The following SEL1L2 variants were observed in gnomAD, a reference collection of about 807,000 sequenced individuals.
SEL1L2 encodes the protein SEL1L2 adaptor subunit of SYVN1 ubiquitin ligase.
In SEL1L2, 89 loss-of-function variants were observed where a neutral mutation model predicts 98.8. The ratio of observed to expected loss-of-function variants is 0.90; its 90% CI spans 0.76 to 1.07. The LOEUF (loss-of-function observed/expected upper bound fraction) is 1.07, where lower values mean the gene tolerates loss of function less well. Ranked by LOEUF, SEL1L2 falls within the 50% of genes least tolerant of loss-of-function variation. SEL1L2 has a pLI of 0.00. For missense variants in SEL1L2, 788 were observed against 812.0 expected, an observed-to-expected ratio of 0.97 and a Z score of 0.36; for synonymous variants, 262 against 278.5, an observed-to-expected ratio of 0.94 and a Z score of 0.59.
At chr20:13,877,709 T>TA (rs1201170647) in intron 10 of SEL1L2, 121 bp from the exon 11 acceptor site, 22 of 736,480 alleles carry the variant, frequency 3.0e-5, no homozygotes, top group East Asian at 5.4e-5. Context: ...CCACTGAGCT[T>TA]AAAAAAAATC....
chr20:13,853,382 A>AT lies in SEL1L2; in HGVS notation c.1819-3064dup, dbSNP rs34049013. ...GCCACCATGCCAGGCTGATTTTTGT[A>AT]TTTTTTTTTTTTGTAGAGACGGGGT... On this transcript the variant is annotated intron_variant, in intron 18 of 19. Transcript: ENST00000284951. 7.9e-3 allele frequency among the ~76,000 whole-genome samples: 1,122 copies of AT among 142,810 alleles called. 8 individuals carry two copies. The highest frequency in any genetic ancestry group is 0.011 in the Middle Eastern group (3 of 278). The allele number at this position is 142,810 out of a possible 152,430, so 93.7% of individuals were successfully genotyped here.
chr20:13,949,360 G>A (rs368448443), intron 2 of SEL1L2, among the ~76,000 whole-genome samples: 3 of 152,230 alleles, frequency 2.0e-5, no homozygotes, highest in African/African-American at 7.2e-5. Context: ...TATTCAAATG[G>A]CTACTATAAA....
At chr20:13,855,863 A>T (rs780727082) in intron 18 of SEL1L2, among the ~76,000 whole-genome samples, 2 of 152,246 alleles carry the variant, frequency 1.3e-5, no homozygotes, top group African/African-American at 2.4e-5. Flanking sequence ...ATAGTCTTTG[A>T]CTAGGCAGGT....
At chr20:13,943,583 C>T (rs959163995) in intron 2 of SEL1L2, among the ~76,000 whole-genome samples, 1 of 151,190 alleles carries the variant, frequency 6.6e-6, no homozygotes, top group Non-Finnish European at 1.5e-5. Context: ...TGCTAAATGA[C>T]ATTCATTCAT....
chr20:13,889,613 A>C (rs1048343543), intron 5 of SEL1L2, among the ~76,000 whole-genome samples: 1 of 152,066 alleles, frequency 6.6e-6, no homozygotes, highest in African/African-American at 2.4e-5. Flanking sequence ...AACACAGTGA[A>C]ACCCTGTCTC....
chr20:13,921,608 G>A (rs1430174759), intron 3 of SEL1L2, among the ~76,000 whole-genome samples: 1 of 152,020 alleles, frequency 6.6e-6, no homozygotes, highest in Non-Finnish European at 1.5e-5. Context: ...ATGATTTACA[G>A]GAAACACTTT....
chr20:13,907,730 C>CTTTCTTTCT (rs2048010542), intron 5 of SEL1L2, among the ~76,000 whole-genome samples: 1 of 123,256 alleles, frequency 8.1e-6, no homozygotes, highest in Non-Finnish European at 1.7e-5. Context: ...TTCTTTCTTT[C>CTTTCTTTCT]TTTCTTTCTT....
intron 2 of SEL1L2, among the ~76,000 whole-genome samples, chr20:13,932,135 C>T (rs963637016): frequency 6.6e-6 from 1 of 152,020 alleles, no homozygotes; most frequent in South Asian, 2.1e-4. Flanking sequence ...TATTGCCTTA[C>T]ACATTACAAC....
chr20:13,894,296 A>G (rs1486006381), intron 5 of SEL1L2, among the ~76,000 whole-genome samples: 1 of 152,236 alleles, frequency 6.6e-6, no homozygotes, highest in Non-Finnish European at 1.5e-5. Flanking sequence ...GCAGTGGCTC[A>G]TGCCTGTAAT....
chr20:13,859,667 G>C (rs1007364455), intron 17 of SEL1L2, among the ~76,000 whole-genome samples: 5 of 152,126 alleles, frequency 3.3e-5, no homozygotes, highest in Non-Finnish European at 7.3e-5. Context: ...AACATCCATG[G>C]TATAGTATGC....
intron 1 of SEL1L2, among the ~76,000 whole-genome samples, chr20:13,956,881 C>A (rs2050566094): frequency 6.6e-6 from 1 of 151,908 alleles, no homozygotes; most frequent in African/African-American, 2.4e-5. Context: ...TTGCTGTAAA[C>A]AAACAAATCT....
intron 5 of SEL1L2, among the ~76,000 whole-genome samples, chr20:13,890,824 T>G (rs2047174907): frequency 6.6e-6 from 1 of 152,038 alleles, no homozygotes; most frequent in Non-Finnish European, 1.5e-5. Flanking sequence ...GAGAAACTAT[T>G]AAAAAAACAG....
At chr20:13,986,895 C>T (rs987003412) in intron 1 of SEL1L2, among the ~76,000 whole-genome samples, 2 of 152,168 alleles carry the variant, frequency 1.3e-5, no homozygotes, top group Non-Finnish European at 2.9e-5. Flanking sequence ...CGCAGTGGCG[C>T]GATCTCGACT....
chr20:13,872,080 A>G (rs2046231658), intron 12 of SEL1L2, among the ~76,000 whole-genome samples: 1 of 152,190 alleles, frequency 6.6e-6, no homozygotes, highest in Non-Finnish European at 1.5e-5. Context: ...AGGACAGTCC[A>G]TCTGTATTTA....
chr20:13,904,247 G>T (rs1289989745), intron 5 of SEL1L2, among the ~76,000 whole-genome samples: 1 of 152,038 alleles, frequency 6.6e-6, no homozygotes, highest in East Asian at 1.9e-4. Context: ...ATATGTATTT[G>T]GCCGGGCACA....
intron 3 of SEL1L2, among the ~76,000 whole-genome samples, chr20:13,929,347 C>T: frequency 6.6e-6 from 1 of 152,146 alleles, no homozygotes; most frequent in African/African-American, 2.4e-5. Context: ...CCTTTTTACT[C>T]TTAAGATTCT....
intron 2 of SEL1L2, among the ~76,000 whole-genome samples, chr20:13,949,961 T>TAATG (rs772102363): frequency 1.3e-5 from 2 of 152,186 alleles, no homozygotes; most frequent in African/African-American, 2.4e-5. Flanking sequence ...CAGCATTCAT[T>TAATG]AATGAATGAA....
intron 1 of SEL1L2, among the ~76,000 whole-genome samples, chr20:13,972,185 T>G (rs1167753438): frequency 6.6e-6 from 1 of 152,220 alleles, no homozygotes; most frequent in African/African-American, 2.4e-5. Flanking sequence ...ATATTTTGAC[T>G]GGAATTGTTA....
At chr20:13,992,675 A>G (rs2052567639), upstream of SEL1L2, among the ~76,000 whole-genome samples, 1 of 152,188 alleles carries the variant, frequency 6.6e-6, no homozygotes, top group East Asian at 1.9e-4. Context: ...AGACTGTATT[A>G]GCCTGTATGC....
Sources: allele counts gnomAD v4.1 joint callset (sites outside exome capture counted in the v4.1 genomes callset), GRCh38; gene constraint gnomAD v4.1.1; transcripts MANE v1.5; gene names NCBI Gene and HGNC (gene_info 2026-07-23, HGNC 2026-07-21).